The following NKAIN3 variants were observed in gnomAD, a reference collection of about 807,000 sequenced individuals.
NKAIN3 encodes sodium/potassium transporting ATPase interacting 3.
NKAIN3 carries 25 observed loss-of-function variants against 30.2 expected under a neutral mutation model. The ratio of observed to expected loss-of-function variants is 0.83; its 90% CI spans 0.60 to 1.16. The LOEUF (loss-of-function observed/expected upper bound fraction) is 1.16, where lower values mean the gene tolerates loss of function less well. Ranked by LOEUF, NKAIN3 falls within the 50% of genes most tolerant of loss-of-function variation. The probability of loss-of-function intolerance (pLI) is 0.00; values close to 1 mark genes in which losing one functional copy is unlikely to be tolerated. For synonymous variants in NKAIN3, 91 were observed against 89.6 expected (o/e 1.02, Z -0.09); for missense variants, 225 against 254.1 (o/e 0.89, Z 0.78).
intron 4 of NKAIN3, among the ~76,000 whole-genome samples, chr8:62,753,806 C>CGG (rs1816362423): frequency 6.6e-6 from 1 of 151,988 alleles, no homozygotes; most frequent in Non-Finnish European, 1.5e-5. Flanking sequence ...AAACAGCTAC[C>CGG]TGCATTATGT....
intron 1 of NKAIN3, among the ~76,000 whole-genome samples, chr8:62,459,830 A>G (rs76360105): frequency 6.6e-6 from 1 of 152,174 alleles, no homozygotes; most frequent in Admixed American, 6.5e-5. Flanking sequence ...ATACAGTAAG[A>G]AATGAGTCCA....
chr8:62,710,792 TTTTTTG>T (rs901044805), intron 3 of NKAIN3, among the ~76,000 whole-genome samples: 98 of 152,320 alleles, frequency 6.4e-4, no homozygotes, highest in African/African-American at 2.2e-3. Flanking sequence ...TTTCTTTTTC[TTTTTTG>T]TTTTTGTTTT....
chr8:62,762,316 CA>C (rs11344224), intron 4 of NKAIN3, among the ~76,000 whole-genome samples: 124,554 of 143,434 alleles, frequency 0.87, 53,882 homozygotes, highest in Admixed American at 0.89. Context: ...AACTCTGTCT[CA>C]AAAAAAAAAA....
At chr8:62,287,671 A>G (rs866448520) in intron 1 of NKAIN3, among the ~76,000 whole-genome samples, 1 of 152,056 alleles carries the variant, frequency 6.6e-6, no homozygotes. Flanking sequence ...TTCTCTTAGG[A>G]GTTTTTTTAT....
At chr8:62,992,937 G>T (rs1824351616) in intron 5 of NKAIN3, among the ~76,000 whole-genome samples, 1 of 152,044 alleles carries the variant, frequency 6.6e-6, no homozygotes, top group African/African-American at 2.4e-5. Flanking sequence ...GTTAATGAGG[G>T]CATAAAACTC....
chr8:62,383,033 AG>A (rs1193979237), intron 1 of NKAIN3, among the ~76,000 whole-genome samples: 4 of 152,132 alleles, frequency 2.6e-5, no homozygotes, highest in African/African-American at 7.2e-5. Flanking sequence ...TGAGCCTCAA[AG>A]GTCCTTATAA....
intron 1 of NKAIN3, among the ~76,000 whole-genome samples, chr8:62,403,054 T>A (rs1337802721): frequency 1.3e-5 from 2 of 152,160 alleles, no homozygotes; most frequent in African/African-American, 4.8e-5. Flanking sequence ...CAGGCTGAGG[T>A]GGTCTCAGAT....
chr8:62,475,095 A>T (rs1806476214), intron 1 of NKAIN3, among the ~76,000 whole-genome samples: 1 of 152,152 alleles, frequency 6.6e-6, no homozygotes. Flanking sequence ...AAAACTACAA[A>T]CTGGAAAGTA....
rs73258778 is a variant in NKAIN3 at position 62,855,803 on chromosome 8, A to G, written c.472-62650A>G. 7,235 of 990,056 alleles carry G rather than the reference A, an allele frequency of 7.3e-3. 313 individuals are homozygous for G. The African/African-American group carries it at 0.099, about 14-fold the overall frequency. The allele number at this position is 990,056 out of a possible 1,614,324, so 61.3% of individuals were successfully genotyped here. A position where few individuals can be genotyped will look rare whatever the true frequency, so the allele number is the denominator to read the frequency against. ...TCCTTTTATCATCAGCAAAGAGTAAAAAGACAAGCTGGAATCCTGGAGGAG... is the reference window on the plus strand; with the variant it reads ...TCCTTTTATCATCAGCAAAGAGTAAGAAGACAAGCTGGAATCCTGGAGGAG... On this transcript the variant is annotated intron_variant, in intron 4 of 6. Coordinates refer to ENST00000623646, the MANE Select transcript of NKAIN3 (RefSeq NM_001304533.3).
chr8:62,421,618 CTT>C (rs1491282385), intron 1 of NKAIN3, among the ~76,000 whole-genome samples: 8 of 151,304 alleles, frequency 5.3e-5, no homozygotes, highest in African/African-American at 2.0e-4. Flanking sequence ...CTCTCTCTCT[CTT>C]TCTCTCTCTC....
chr8:62,810,221 T>C (rs7464426), intron 4 of NKAIN3, among the ~76,000 whole-genome samples: 133,820 of 152,144 alleles, frequency 0.88, 58,975 homozygotes, highest in Admixed American at 0.9. Context: ...AATAAATGAC[T>C]TTTGTAATAC....
intron 1 of NKAIN3, among the ~76,000 whole-genome samples, chr8:62,254,191 TG>T (rs1812197331): frequency 6.6e-6 from 1 of 150,390 alleles, no homozygotes; most frequent in Non-Finnish European, 1.5e-5. Context: ...TGTGTGTGTG[TG>T]TGTGTGTGTA....
chr8:62,663,804 A>C (rs1023630096), intron 3 of NKAIN3, among the ~76,000 whole-genome samples: 4 of 152,200 alleles, frequency 2.6e-5, no homozygotes, highest in Non-Finnish European at 1.5e-5. Flanking sequence ...TCTGTGAATG[A>C]GTCCAGTTAA....
chr8:62,361,697 TTC>T (rs1317149861), intron 1 of NKAIN3, among the ~76,000 whole-genome samples: 1 of 152,232 alleles, frequency 6.6e-6, no homozygotes, highest in Non-Finnish European at 1.5e-5. Context: ...TGGTTAATGA[TTC>T]ATATTTTTAA....
intron 4 of NKAIN3, among the ~76,000 whole-genome samples, chr8:62,783,794 T>C (rs1817431606): frequency 6.6e-6 from 1 of 151,934 alleles, no homozygotes; most frequent in South Asian, 2.1e-4. Flanking sequence ...AGCTAAATTT[T>C]TTATTTTTTT....
At chr8:62,376,609 C>A (rs1817092457) in intron 1 of NKAIN3, among the ~76,000 whole-genome samples, 1 of 152,136 alleles carries the variant, frequency 6.6e-6, no homozygotes, top group Non-Finnish European at 1.5e-5. Context: ...TAACATTGTA[C>A]CATTTTCTCT....
chr8:62,642,704 T>C (rs1330782344), intron 3 of NKAIN3, among the ~76,000 whole-genome samples: 3 of 152,116 alleles, frequency 2.0e-5, no homozygotes, highest in Admixed American at 2.0e-4. Flanking sequence ...TTCCCTTGGC[T>C]CCTTTTCCTG....
intron 4 of NKAIN3, among the ~76,000 whole-genome samples, chr8:62,874,495 A>C (rs1426191137): frequency 6.6e-6 from 1 of 152,202 alleles, no homozygotes; most frequent in Non-Finnish European, 1.5e-5. Flanking sequence ...ATACCAAAAC[A>C]GGGAAGAGAC....
intron 2 of NKAIN3, among the ~76,000 whole-genome samples, chr8:62,583,931 T>A (rs1056849874): frequency 6.6e-6 from 1 of 152,192 alleles, no homozygotes; most frequent in African/African-American, 2.4e-5. Flanking sequence ...GAGCATGTTG[T>A]TATTTGGGAA....
Sources: allele counts gnomAD v4.1 joint callset (sites outside exome capture counted in the v4.1 genomes callset), GRCh38; gene constraint gnomAD v4.1.1; transcripts MANE v1.5; gene names NCBI Gene and HGNC (gene_info 2026-07-23, HGNC 2026-07-21).